Variants in RYR3 observed in about 807,000 individuals in gnomAD.
The protein encoded by RYR3 is brain ryanodine receptor-calcium release channel.
A neutral mutation model predicts 584.3 loss-of-function variants in RYR3; 207 were observed. The observed-to-expected ratio is 0.35, with a 90% CI of 0.32 to 0.40. The LOEUF (loss-of-function observed/expected upper bound fraction) is 0.40. Ranked by LOEUF, RYR3 falls within the 10% of genes least tolerant of loss-of-function variation. RYR3 has a pLI of 1.00. For missense variants in RYR3, 5,616 were observed against 6,089.2 expected, an observed-to-expected ratio of 0.92 and a Z score of 2.59; for synonymous variants, 2,416 against 2,248.5, an observed-to-expected ratio of 1.07 and a Z score of -2.11.
At chr15:33,859,436 A>AATACTGGCACCTCTGAAG in intron 99 of RYR3, 139 bp from the exon 100 acceptor site, 2 of 797,756 alleles carry the variant, frequency 2.5e-6, no homozygotes, top group East Asian at 5.2e-5. Flanking sequence ...TAGCAGCATG[A>AATACTGGCACCTCTGAAG]ATACTGGCAC....
chr15:33,671,126 A>G (rs770019823), intron 38 of RYR3, among the ~76,000 whole-genome samples: 1 of 152,178 alleles, frequency 6.6e-6, no homozygotes, highest in South Asian at 2.1e-4. Flanking sequence ...TCCTTATACT[A>G]TAGATGACTC....
At chr15:33,610,171 C>T (rs2060110061) in intron 18 of RYR3, among the ~76,000 whole-genome samples, 1 of 152,140 alleles carries the variant, frequency 6.6e-6, no homozygotes, top group Non-Finnish European at 1.5e-5. Context: ...CCTCATCCAG[C>T]CTTCATTAAC....
In RYR3 at chr15:33,830,986, G is replaced by T. The variant is rs762408358; in HGVS notation, c.11358G>T (p.Trp3786Cys). 2 of 1,613,418 alleles carry T rather than the reference G, an allele frequency of 1.2e-6. No individual in the cohort carries two copies. Among genetic ancestry groups the T allele is most frequent in the African/African-American group, 2.7e-5 (2 of 74,892 alleles). Reference sequence around the variant, plus strand: ...AGGAATCAATCAGTGATTTCTACTGGTATTATTCAGGGAAGGACATCATTG... The same window carrying T: ...AGGAATCAATCAGTGATTTCTACTGTTATTATTCAGGGAAGGACATCATTG... ...RLQESISDFY[W>C]YYSGKDIIDE... Residue 3786 changes from tryptophan to cysteine, a missense_variant, in exon 86 of 104, where the codon TGG (tryptophan) becomes TGT (cysteine). By Grantham distance (215) the Trp-to-Cys change is radical. This residue lies in a region of RYR3 where 954 missense variants were observed against 1,132.2 expected (regional missense o/e 0.84). Coordinates refer to ENST00000634891, the MANE Select transcript of RYR3 (RefSeq NM_001036.6).
chr15:33,855,525 C>T (rs758232744), intron 98 of RYR3, among the ~76,000 whole-genome samples: 16 of 151,996 alleles, frequency 1.1e-4, no homozygotes, highest in Non-Finnish European at 1.9e-4. Context: ...TAAGGTCTAC[C>T]CCTTCCTCCA....
At position 33,766,296 on chromosome 15, in the gene RYR3, AAAAAAG is replaced by A. The variant is rs1186693008; in HGVS notation, c.8706-2356_8706-2351del. 6.7e-4 allele frequency among the ~76,000 whole-genome samples: 97 copies of A among 144,920 alleles called. 1 individual carries two copies. The highest frequency in any genetic ancestry group is 2.6e-3 in the African/African-American group (92 of 35,082). ...AGTCTCCACCTCAAAAAGAAAAAAAAAAAAAGAAAAAAAGAAAAACCAGTCCTCTGT... is the reference window on the plus strand; with the variant it reads ...AGTCTCCACCTCAAAAAGAAAAAAAAAAAAAAAGAAAAACCAGTCCTCTGT... On this transcript the variant is annotated intron_variant, in intron 60 of 103. Coordinates refer to ENST00000634891, the MANE Select transcript of RYR3 (RefSeq NM_001036.6).
chr15:33,629,990 G>T lies in RYR3; in HGVS notation c.2730G>T (p.Lys910Asn), dbSNP rs1377444855. The T allele has an allele frequency of 1.2e-6, 2 of 1,607,104 alleles. No homozygotes were observed. The highest frequency in any genetic ancestry group is 1.3e-5 in the African/African-American group (1 of 74,764). ...RQHPCLVEFS[K>N]LPETEKNYNL... ...ACCCTTGCCTTGTGGAGTTTTCAAA[G>T]CTCCCAGAAACTGAGAAGAACTATA... is the stretch of plus-strand genomic sequence containing the variant. The change falls in exon 22 of 104, where the codon AAG becomes AAT. Residue 910 changes from lysine to asparagine, a missense_variant. By Grantham distance (94) the Lys-to-Asn change is moderately conservative. This residue lies in a region of RYR3 where 1,284 missense variants were observed against 1,344.6 expected (regional missense o/e 0.95). Transcript: ENST00000634891.
intron 9 of RYR3, among the ~76,000 whole-genome samples, chr15:33,549,834 A>G (rs1010877223): frequency 6.6e-5 from 10 of 152,206 alleles, no homozygotes. Flanking sequence ...ATTCAAAGAC[A>G]AGCTTCCCAT....
At chr15:33,567,301 C>T (rs528189503) in intron 12 of RYR3, among the ~76,000 whole-genome samples, 1 of 152,304 alleles carries the variant, frequency 6.6e-6, no homozygotes, top group African/African-American at 2.4e-5. Flanking sequence ...ATCATAATCC[C>T]TCCAGTCTAA....
rs771853053 is a variant in RYR3, at chr15:33,649,163, A to G, written c.4070A>G (p.Glu1357Gly). 1.2e-6 allele frequency: 2 copies of G among 1,613,820 alleles called. No homozygotes were observed. The highest frequency in any genetic ancestry group is 2.2e-5 in the South Asian group (2 of 91,072). The change falls in exon 31 of 104, where the codon GAA becomes GGA. Residue 1357 changes from glutamate to glycine, a missense_variant. Physicochemically the swap from Glu to Gly is moderately conservative, Grantham distance 98 (BLOSUM62 -2). Transcript: ENST00000634891. ...ACTCCAGACTATCACTTGTACAGTG[A>G]AAAGTTTGACCTGAATAAAAACTGC... is the stretch of plus-strand genomic sequence containing the variant. Reference protein sequence around the residue: ...WVTPDYHLYSEKFDLNKNCTV... With the variant: ...WVTPDYHLYSGKFDLNKNCTV...
chr15:33,386,076 A>G (rs1038292480), intron 1 of RYR3, among the ~76,000 whole-genome samples: 4 of 152,176 alleles, frequency 2.6e-5, no homozygotes, highest in Non-Finnish European at 5.9e-5. Context: ...AATAGAATTT[A>G]TGGATTTAAA....
At chr15:33,458,007 A>T (rs1442615380) in intron 1 of RYR3, among the ~76,000 whole-genome samples, 1 of 152,216 alleles carries the variant, frequency 6.6e-6, no homozygotes, top group Non-Finnish European at 1.5e-5. Flanking sequence ...CATTGAGAAC[A>T]TTCAATAAGT....
chr15:33,700,986 C>T lies in RYR3; in HGVS notation c.6389C>T (p.Ser2130Leu), dbSNP rs753884154. ...ENSSVGLASP[S>L]MRGSTPLDVA... ...TCCCCTCCTCCCTCAGCCTCCCCGTCGATGAGGGGATCCACCCCGCTGGAT... is the reference window on the plus strand; with the variant it reads ...TCCCCTCCTCCCTCAGCCTCCCCGTTGATGAGGGGATCCACCCCGCTGGAT... Residue 2130 changes from serine (S) to leucine (L), a missense_variant, in exon 42 of 104, where the codon TCG becomes TTG. Coordinates refer to ENST00000634891, the MANE Select transcript of RYR3 (RefSeq NM_001036.6). 1.2e-6 allele frequency: 2 copies of T among 1,612,100 alleles called. No individual in the cohort carries two copies. Among genetic ancestry groups the T allele is most frequent in the East Asian group, 2.2e-5 (1 of 44,874 alleles).
intron 38 of RYR3, among the ~76,000 whole-genome samples, chr15:33,676,979 G>T (rs2064225469): frequency 6.6e-6 from 1 of 152,164 alleles, no homozygotes; most frequent in South Asian, 2.1e-4. Context: ...CCTCCTTTGT[G>T]CCCGGTACTG....
chr15:33,812,679 G>C (rs187640611), intron 72 of RYR3, among the ~76,000 whole-genome samples, 184 bp from the exon 73 acceptor site: 9 of 152,218 alleles, frequency 5.9e-5, no homozygotes, highest in Admixed American at 5.9e-4. Flanking sequence ...AGAGACATAG[G>C]AGTTAGAATG....
At chr15:33,775,089 C>T (rs886185696) in intron 64 of RYR3, among the ~76,000 whole-genome samples, 2 of 151,610 alleles carry the variant, frequency 1.3e-5, no homozygotes, top group African/African-American at 4.8e-5. Flanking sequence ...AAAGACTGCT[C>T]TTCATGTGAC....
chr15:33,412,847 A>C lies in RYR3; in HGVS notation c.52-60572A>C, dbSNP rs2043502701. 6.6e-6 allele frequency among the ~76,000 whole-genome samples: 1 copy of C among 152,200 alleles called. No homozygotes were observed. The highest frequency in any genetic ancestry group is 1.5e-5 in the Non-Finnish European group (1 of 68,032). On this transcript the variant is annotated intron_variant, in intron 1 of 103. Coordinates refer to ENST00000634891, the MANE Select transcript of RYR3 (RefSeq NM_001036.6). This position sits in a 1 kb window ranked among gnomAD's most constrained non-coding sequence, Gnocchi z 4.3. ...AAGTTTGTATGCATTTGTGTCATGC[A>C]AAGGAGGAGGAAAACCAGTCTTCCT...
chr15:33,674,301 C>G (rs1039371379), intron 38 of RYR3, among the ~76,000 whole-genome samples: 23 of 152,300 alleles, frequency 1.5e-4, no homozygotes, highest in African/African-American at 5.5e-4. Flanking sequence ...GGCAGTATTT[C>G]TAAGCCTCTT....
chr15:33,815,393 G>GA, intron 74 of RYR3: 1 of 152,962 alleles, frequency 6.5e-6, no homozygotes, highest in Non-Finnish European at 1.5e-5. Flanking sequence ...GTTGGCCTTC[G>GA]AAAGAGCCTA....
At chr15:33,647,920 C>T (rs2062193852) in intron 30 of RYR3, among the ~76,000 whole-genome samples, 1 of 148,466 alleles carries the variant, frequency 6.7e-6, no homozygotes. Context: ...TACTTTTGGT[C>T]CCTAGACAGT....
Sources: gnomAD v4.1 joint callset for allele counts (sites outside exome capture counted in the v4.1 genomes callset) on GRCh38, gnomAD v4.1.1 for gene constraint, gnomAD v4.1.1 regional missense constraint, Gnocchi (gnomAD v3.1) non-coding constraint, MANE v1.5 for transcripts, NCBI Gene and HGNC (gene_info 2026-07-23, HGNC 2026-07-21) for gene names.